Variants in NKAIN3 observed in about 807,000 individuals in gnomAD.
NKAIN3 encodes sodium/potassium-transporting ATPase subunit beta-1-interacting protein 3.
Under a neutral mutation model 30.2 loss-of-function variants are expected in NKAIN3, and 25 were observed. The observed-to-expected ratio is 0.83, with a 90% CI of 0.60 to 1.16. The LOEUF (loss-of-function observed/expected upper bound fraction) is 1.16. Ranked by LOEUF, NKAIN3 falls within the 50% of genes most tolerant of loss-of-function variation. The pLI, the probability that NKAIN3 is intolerant of heterozygous loss-of-function variation, is 0.00. For missense variants in NKAIN3, 225 were observed against 254.1 expected, an observed-to-expected ratio of 0.89 and a Z score of 0.78; for synonymous variants, 91 against 89.6, an observed-to-expected ratio of 1.02 and a Z score of -0.09.
At chr8:62,643,852 A>G (rs1383748076) in intron 3 of NKAIN3, among the ~76,000 whole-genome samples, 1 of 152,052 alleles carries the variant, frequency 6.6e-6, no homozygotes, top group Middle Eastern at 3.2e-3. Flanking sequence ...GGATCTCTTG[A>G]TGTTTTAATA....
intron 6 of NKAIN3, among the ~76,000 whole-genome samples, chr8:62,964,340 A>G (rs1340406122): frequency 6.6e-6 from 1 of 152,196 alleles, no homozygotes; most frequent in Non-Finnish European, 1.5e-5. Flanking sequence ...TCATCTATGT[A>G]GTAGGTACTG....
chr8:62,804,679 C>A (rs914169027), intron 4 of NKAIN3, among the ~76,000 whole-genome samples: 6 of 152,154 alleles, frequency 3.9e-5, no homozygotes, highest in Non-Finnish European at 8.8e-5. Context: ...CTATGACAAA[C>A]CCACAGCCAA....
At chr8:62,943,466 C>T (rs62508085) in intron 5 of NKAIN3, among the ~76,000 whole-genome samples, 20,650 of 151,564 alleles carry the variant, frequency 0.14, 1,682 homozygotes, top group East Asian at 0.35. Flanking sequence ...ACAACCACTA[C>T]GGAAAAAAAT....
At chr8:62,715,262 T>C (rs1531651) in intron 3 of NKAIN3, among the ~76,000 whole-genome samples, 129,417 of 152,104 alleles carry the variant, frequency 0.85, 55,194 homozygotes, top group Non-Finnish European at 0.87. Flanking sequence ...GGTGGGGACA[T>C]AAATCGAAAC....
chr8:62,865,375 C>A (rs1820385822), intron 4 of NKAIN3, among the ~76,000 whole-genome samples: 1 of 152,220 alleles, frequency 6.6e-6, no homozygotes, highest in South Asian at 2.1e-4. Flanking sequence ...TAAACGGTGA[C>A]TCTCATTCTT....
chr8:62,870,551 T>C (rs1240219577), intron 4 of NKAIN3, among the ~76,000 whole-genome samples: 1 of 138,350 alleles, frequency 7.2e-6, no homozygotes, highest in Non-Finnish European at 1.5e-5. Flanking sequence ...TACATATATA[T>C]ACTATATATA....
In NKAIN3 at chr8:62,977,703, T is replaced by C. The variant is rs4397399; in HGVS notation, c.*12296T>C. 0.78 allele frequency among the ~76,000 whole-genome samples: 118,869 copies of C among 151,988 alleles called. 47,541 individuals are homozygous for C. Among genetic ancestry groups the C allele is most frequent in the East Asian group, 0.98 (4,998 of 5,122 alleles). ...TTCGTTATTACCCATCTTCTGAAGCTTACTTCTGTCAATTTGTCAAACACA... is the reference window on the plus strand; with the variant it reads ...TTCGTTATTACCCATCTTCTGAAGCCTACTTCTGTCAATTTGTCAAACACA... On this transcript the variant is annotated 3_prime_UTR_variant, in exon 7 of 7. Transcript: ENST00000623646.
intron 5 of NKAIN3, among the ~76,000 whole-genome samples, chr8:62,996,675 G>A (rs946419350): frequency 2.6e-5 from 4 of 152,122 alleles, no homozygotes; most frequent in African/African-American, 7.2e-5. Context: ...TACAATGGGG[G>A]GTACAAGTAT....
At chr8:62,586,228 G>GGGGAT (rs1398255120) in intron 2 of NKAIN3, among the ~76,000 whole-genome samples, 1 of 152,150 alleles carries the variant, frequency 6.6e-6, no homozygotes, top group Non-Finnish European at 1.5e-5. Context: ...CCATTCTTGA[G>GGGGAT]TCACTGCTCA....
At chr8:62,316,152 C>T (rs1434067526) in intron 1 of NKAIN3, among the ~76,000 whole-genome samples, 1 of 152,076 alleles carries the variant, frequency 6.6e-6, no homozygotes, top group African/African-American at 2.4e-5. Context: ...GAGGCCTCCC[C>T]AGCCCTACAG....
At chr8:62,582,297 A>G (rs1174768852) in intron 2 of NKAIN3, among the ~76,000 whole-genome samples, 1 of 152,058 alleles carries the variant, frequency 6.6e-6, no homozygotes, top group Non-Finnish European at 1.5e-5. Flanking sequence ...GGTGTGGACT[A>G]TACTGGTGAG....
chr8:62,287,884 C>T (rs1315129877), intron 1 of NKAIN3, among the ~76,000 whole-genome samples: 2 of 152,146 alleles, frequency 1.3e-5, no homozygotes, highest in African/African-American at 2.4e-5. Flanking sequence ...GCATCTCATG[C>T]CCTCTGGTCG....
At chr8:62,441,107 A>T (rs2129598207) in intron 1 of NKAIN3, among the ~76,000 whole-genome samples, 1 of 152,266 alleles carries the variant, frequency 6.6e-6, no homozygotes, top group East Asian at 1.9e-4. Flanking sequence ...TGACATCTAT[A>T]GTTTTGAATA....
chr8:62,467,913 T>C (rs544888434), intron 1 of NKAIN3, among the ~76,000 whole-genome samples: 294 of 152,144 alleles, frequency 1.9e-3, no homozygotes, highest in Non-Finnish European at 3.0e-3. Context: ...GGGACTGCAA[T>C]TGCACACCAC....
chr8:62,515,038 C>G (rs72651542), intron 1 of NKAIN3, among the ~76,000 whole-genome samples: 1 of 152,096 alleles, frequency 6.6e-6, no homozygotes, highest in Non-Finnish European at 1.5e-5. Context: ...CCACCACTCC[C>G]TTGTCCCTGT....
At chr8:62,591,058 A>C (rs1252565756) in intron 3 of NKAIN3, among the ~76,000 whole-genome samples, 1 of 152,028 alleles carries the variant, frequency 6.6e-6, no homozygotes, top group African/African-American at 2.4e-5. Context: ...TGCAAATCTT[A>C]TGAATAAAAT....
chr8:62,805,482 C>T (rs868304785), intron 4 of NKAIN3, among the ~76,000 whole-genome samples: 61 of 152,140 alleles, frequency 4.0e-4, no homozygotes, highest in Non-Finnish European at 1.0e-4. Context: ...GAATAGAGCC[C>T]TTGGAAATAA....
intron 4 of NKAIN3, among the ~76,000 whole-genome samples, chr8:62,893,015 A>T (rs1242193339): frequency 6.6e-6 from 1 of 152,202 alleles, no homozygotes; most frequent in African/African-American, 2.4e-5. Context: ...TAATAAGAGG[A>T]AAATAAATTG....
chr8:62,909,507 T>C (rs1037675248), intron 4 of NKAIN3, among the ~76,000 whole-genome samples: 1 of 152,176 alleles, frequency 6.6e-6, no homozygotes, highest in Non-Finnish European at 1.5e-5. Context: ...CTGTGTTTGT[T>C]ATTGGCAAGA....
Sources: allele counts gnomAD v4.1 joint callset (sites outside exome capture counted in the v4.1 genomes callset), GRCh38; gene constraint gnomAD v4.1.1; transcripts MANE v1.5; gene names NCBI Gene and HGNC (gene_info 2026-07-23, HGNC 2026-07-21).